DIAPH3: variants seen among roughly 807,000 people sequenced by gnomAD.
DIAPH3 encodes the protein protein diaphanous homolog 3.
Under a neutral mutation model 144.3 loss-of-function variants are expected in DIAPH3, and 117 were observed. That is an observed-to-expected ratio of 0.81 (90% CI 0.70 to 0.95). The LOEUF (loss-of-function observed/expected upper bound fraction) is 0.95, where lower values mean the gene tolerates loss of function less well. Among genes scored for constraint, DIAPH3 ranks in the 40% least tolerant of loss-of-function variants. The pLI is 0.00. For missense variants in DIAPH3, 1,421 were observed against 1,412.7 expected (o/e 1.01, Z -0.09); for synonymous variants, 519 against 488.9 (o/e 1.06, Z -0.81).
intron 25 of DIAPH3, among the ~76,000 whole-genome samples, chr13:59,807,662 T>C (rs989931352): frequency 4.6e-5 from 7 of 151,996 alleles, no homozygotes; most frequent in Admixed American, 6.6e-5. Context: ...GAAAGTCCTA[T>C]TGGGTGAAGA....
At chr13:60,125,710 C>T (rs1187386553) in intron 2 of DIAPH3, among the ~76,000 whole-genome samples, 2 of 152,080 alleles carry the variant, frequency 1.3e-5, no homozygotes, top group Non-Finnish European at 2.9e-5. Flanking sequence ...CTATATAAAA[C>T]AGTTGCAATT....
intron 22 of DIAPH3, among the ~76,000 whole-genome samples, chr13:59,849,629 G>C (rs113250902): frequency 0.42 from 690 of 1,654 alleles, 176 homozygotes; most frequent in East Asian, 0.71. Context: ...GATAGTTGTA[G>C]GTATGCGGCG....
chr13:60,090,243 T>C (rs1050903282), intron 4 of DIAPH3, among the ~76,000 whole-genome samples: 13 of 152,210 alleles, frequency 8.5e-5, no homozygotes, highest in Non-Finnish European at 4.4e-5. Context: ...TATTTTCTGC[T>C]TCTAAATACG....
intron 17 of DIAPH3, among the ~76,000 whole-genome samples, chr13:59,932,254 A>G (rs1437564632): frequency 1.3e-5 from 2 of 152,122 alleles, no homozygotes; most frequent in African/African-American, 2.4e-5. Flanking sequence ...TAGTCTACCT[A>G]AAGAAAAACG....
In DIAPH3 at chr13:59,969,967, T is replaced by G. The variant is rs759496206; in HGVS notation, c.2051A>C (p.Asn684Thr). The stretch of plus-strand genomic sequence containing the variant: ...ACCTTTTTGTTGGCAACAAAATGTA[T>G]TCTCAAGTTTACAAAGCAAATCCAC... ...ENVDLLCKLENTFCCQQKERR... is the reference protein window; with the variant it reads ...ENVDLLCKLETTFCCQQKERR... The change falls in exon 17 of 28, where the codon AAT (asparagine) becomes ACT (threonine). Residue 684 changes from asparagine to threonine, a missense_variant. Physicochemically the swap from Asn to Thr is moderately conservative, Grantham distance 65 (BLOSUM62 0). Transcript: ENST00000400324. 1 of 1,606,460 alleles carries G rather than the reference T, an allele frequency of 6.2e-7. No homozygotes were observed. The highest frequency in any genetic ancestry group is 1.7e-5 in the Admixed American group (1 of 59,628).
chr13:59,977,415 A>T (rs1039097955), intron 14 of DIAPH3, among the ~76,000 whole-genome samples: 1 of 151,902 alleles, frequency 6.6e-6, no homozygotes, highest in African/African-American at 2.4e-5. Flanking sequence ...ACAGAAATAA[A>T]ACTGCTGAAA....
At chr13:60,008,367 G>A (rs996423283) in intron 9 of DIAPH3, among the ~76,000 whole-genome samples, 177 bp downstream of exon 9, 1 of 152,190 alleles carries the variant, frequency 6.6e-6, no homozygotes, top group African/African-American at 2.4e-5. Flanking sequence ...CTGCACTCCA[G>A]CCTGGGCGAC....
chr13:59,673,892 C>G (rs2032507180), intron 27 of DIAPH3, among the ~76,000 whole-genome samples: 1 of 152,166 alleles, frequency 6.6e-6, no homozygotes, highest in Admixed American at 6.5e-5. Context: ...TCTCCTTTGG[C>G]TGTTTCTGAT....
At chr13:59,973,121 T>G (rs980159509) in intron 15 of DIAPH3, among the ~76,000 whole-genome samples, 1 of 152,158 alleles carries the variant, frequency 6.6e-6, no homozygotes, top group African/African-American at 2.4e-5. Context: ...ATTTAGGAGA[T>G]TCCTTGATTT....
intron 5 of DIAPH3, among the ~76,000 whole-genome samples, chr13:60,018,596 C>T (rs1337909800): frequency 6.6e-6 from 1 of 152,110 alleles, no homozygotes; most frequent in Non-Finnish European, 1.5e-5. Context: ...TTTATGCCTA[C>T]TCATGTATTT....
rs1282526486 is a variant in DIAPH3, at chr13:59,917,248, A to T, written c.2171-999T>A. Reference sequence around the variant, plus strand: ...CACAGTAGGTTGAATCTAAAGATACAGAAACCATGGATATAAAAGCAGAAT... The same window carrying T: ...CACAGTAGGTTGAATCTAAAGATACTGAAACCATGGATATAAAAGCAGAAT... On this transcript the variant is annotated intron_variant, in intron 18 of 27. Transcript: ENST00000400324. Among the ~76,000 whole-genome samples, 6 of 152,344 alleles carry T rather than the reference A, an allele frequency of 3.9e-5. No individual in the cohort carries two copies. The East Asian group carries it at 1.2e-3, about 29-fold the overall frequency.
intron 4 of DIAPH3, among the ~76,000 whole-genome samples, chr13:60,068,862 TACC>T (rs925191992): frequency 5.9e-5 from 9 of 152,192 alleles, no homozygotes; most frequent in African/African-American, 2.2e-4. Flanking sequence ...GGTGTATACG[TACC>T]ACATTTGCTT....
chr13:59,913,681 G>A (rs926012712), intron 19 of DIAPH3, among the ~76,000 whole-genome samples: 36 of 152,134 alleles, frequency 2.4e-4, no homozygotes, highest in African/African-American at 6.3e-4. Flanking sequence ...ATATACAGCC[G>A]GGCATGGTGG....
intron 23 of DIAPH3, among the ~76,000 whole-genome samples, chr13:59,835,751 T>C (rs1434361268): frequency 2.0e-5 from 3 of 151,834 alleles, no homozygotes; most frequent in Non-Finnish European, 3.0e-5. Flanking sequence ...CCGTGTATTA[T>C]ACAAGTTTAC....
chr13:60,095,705 A>C (rs1365601998), intron 3 of DIAPH3, among the ~76,000 whole-genome samples: 5 of 151,920 alleles, frequency 3.3e-5, no homozygotes, highest in African/African-American at 1.2e-4. Context: ...CCAGTCTCCT[A>C]TTCCAGAAAT....
intron 17 of DIAPH3, among the ~76,000 whole-genome samples, chr13:59,965,988 A>G (rs1404269985): frequency 6.6e-6 from 1 of 152,210 alleles, no homozygotes; most frequent in Admixed American, 6.5e-5. Context: ...GCTTATATAC[A>G]TTTCCAGAAT....
intron 4 of DIAPH3, among the ~76,000 whole-genome samples, chr13:60,048,169 C>A (rs1293365341): frequency 6.6e-6 from 1 of 152,180 alleles, no homozygotes; most frequent in African/African-American, 2.4e-5. Flanking sequence ...CAGAGAGAGG[C>A]AAAACCTCGC....
chr13:60,064,743 G>A (rs1178198670), intron 4 of DIAPH3, among the ~76,000 whole-genome samples: 1 of 152,076 alleles, frequency 6.6e-6, no homozygotes, highest in African/African-American at 2.4e-5. Flanking sequence ...TTTTTCCTTT[G>A]CATTCACAAC....
At chr13:59,991,385 T>G in intron 11 of DIAPH3, 111 bp from the exon 12 acceptor site, 1 of 774,298 alleles carries the variant, frequency 1.3e-6, no homozygotes, top group Admixed American at 1.9e-5. Context: ...AGGCATCTTA[T>G]ATATTCAACA....
Sources: allele counts gnomAD v4.1 joint callset (sites outside exome capture counted in the v4.1 genomes callset), GRCh38; gene constraint gnomAD v4.1.1; transcripts MANE v1.5; gene names NCBI Gene and HGNC (gene_info 2026-07-23, HGNC 2026-07-21).